Variants in TAF10 observed in about 807,000 individuals in gnomAD.
TAF10 encodes transcription initiation factor TFIID subunit 10.
A neutral mutation model predicts 18.1 loss-of-function variants in TAF10; 2 were observed. That is an observed-to-expected ratio of 0.11 (90% CI 0.05 to 0.35). TAF10 has a LOEUF of 0.35. Ranked by LOEUF, TAF10 falls within the 10% of genes least tolerant of loss-of-function variation. The pLI is 1.00. For synonymous variants in TAF10, 158 were observed against 134.6 expected (o/e 1.17, Z -1.20); for missense variants, 293 against 306.9 (o/e 0.95, Z 0.34).
In TAF10 at chr11:6,608,243, C is replaced by T. The variant is rs749124825; in HGVS notation, c.*2679G>A. 16 of 1,611,880 alleles carry T rather than the reference C, an allele frequency of 9.9e-6. No individual in the cohort carries two copies. In the East Asian group the frequency reaches 3.6e-4, roughly 36 times the overall value. On this transcript the variant is annotated 3_prime_UTR_variant, in exon 5 of 5. Coordinates refer to ENST00000299424, the MANE Select transcript of TAF10 (RefSeq NM_006284.4). The surrounding 1 kb of genome is among the most constrained non-coding windows in gnomAD (Gnocchi z 4.9). ...ACAAACTCCTTCGTCATCCACATCACATACATGCCATGAGGGTCAGTCACA... is the reference window on the plus strand; with the variant it reads ...ACAAACTCCTTCGTCATCCACATCATATACATGCCATGAGGGTCAGTCACA...
At position 6,608,919 on chromosome 11, in the gene TAF10, A is replaced by G. The variant is rs764641628; in HGVS notation, c.*2003T>C. ...GAAGATGGGCCAGAATCTCAACCGTATTCCATACAAGGACACATTCTGGAA... is the reference window on the plus strand; with the variant it reads ...GAAGATGGGCCAGAATCTCAACCGTGTTCCATACAAGGACACATTCTGGAA... On this transcript the variant is annotated 3_prime_UTR_variant, in exon 5 of 5. Coordinates refer to ENST00000299424, the MANE Select transcript of TAF10 (RefSeq NM_006284.4). This position sits in a 1 kb window ranked among gnomAD's most constrained non-coding sequence, Gnocchi z 4.9. The G allele has an allele frequency of 5.0e-6, 8 of 1,614,064 alleles. No homozygotes were observed. Among genetic ancestry groups the G allele is most frequent in the Non-Finnish European group, 6.8e-6 (8 of 1,180,042 alleles).
At chr11:6,611,481 C>G in intron 2 of TAF10, 29 bp from the exon 3 acceptor site, 1 of 1,613,508 alleles carries the variant, frequency 6.2e-7, no homozygotes, top group East Asian at 2.2e-5. Context: ...GAACTGTCAG[C>G]AGAGCGGGAG....
Position 6,609,442 on chromosome 11 carries a change from C to T in TAF10, c.*1480G>A. On this transcript the variant is annotated 3_prime_UTR_variant, in exon 5 of 5. Transcript: ENST00000299424. ...AGGCGTAACCTGGAAGCTGCTAGTT[C>T]CAAGGAACCCTGAATAGCACTGAAA... 6.2e-7 allele frequency: 1 copy of T among 1,613,634 alleles called. No individual in the cohort carries two copies. Among genetic ancestry groups the T allele is most frequent in the African/African-American group, 1.3e-5 (1 of 75,004 alleles).
intron 2 of TAF10, 75 bp from the exon 3 acceptor site, chr11:6,611,527 A>G (rs1855460026): frequency 9.4e-6 from 15 of 1,601,034 alleles, no homozygotes; most frequent in Non-Finnish European, 1.2e-5. Context: ...GATTATCAGG[A>G]AGCTCACAGT....
rs387907366 is a variant in TAF10 at position 6,609,568 on chromosome 11, C to T, written c.*1354G>A. 1.2e-6 allele frequency: 2 copies of T among 1,614,072 alleles called. No individual in the cohort carries two copies. Among genetic ancestry groups the T allele is most frequent in the Admixed American group, 1.7e-5 (1 of 60,012 alleles). On this transcript the variant is annotated 3_prime_UTR_variant, in exon 5 of 5. Transcript: ENST00000299424. ...CTAGGTGCCTGCCAGTCTCCACCTGCTCCTCATCCTACTCTCATCACACAC... is the reference window on the plus strand; with the variant it reads ...CTAGGTGCCTGCCAGTCTCCACCTGTTCCTCATCCTACTCTCATCACACAC...
intron 3 of TAF10, 25 bp from the exon 4 acceptor site, chr11:6,611,328 AAGG>A (rs748508899): frequency 6.8e-6 from 11 of 1,614,024 alleles, no homozygotes; most frequent in Middle Eastern, 1.6e-4. Context: ...CTTAGATGAG[AAGG>A]AGATGGACAA....
rs761245686 is a variant in TAF10 at position 6,610,136 on chromosome 11, C to G, written c.*786G>C. The G allele has an allele frequency of 1.2e-6, 2 of 1,614,086 alleles. No individual in the cohort carries two copies. The highest frequency in any genetic ancestry group is 1.3e-5 in the African/African-American group (1 of 74,934). ...GCAAGGGGGCCAGAACAGACAAGCC[C>G]TATCTCTCCAGCTCTGCAGAAGAAG... On this transcript the variant is annotated 3_prime_UTR_variant, in exon 5 of 5. Coordinates refer to ENST00000299424, the MANE Select transcript of TAF10 (RefSeq NM_006284.4).
Position 6,608,965 on chromosome 11 carries a change from C to A in TAF10, c.*1957G>T. ...TGGAAGGGGACCACCCGCACTCGGCCCCGTGAGTCACCACTGTGGGAAGAA... is the reference window on the plus strand; with the variant it reads ...TGGAAGGGGACCACCCGCACTCGGCACCGTGAGTCACCACTGTGGGAAGAA... On this transcript the variant is annotated 3_prime_UTR_variant, in exon 5 of 5. Transcript: ENST00000299424. The surrounding 1 kb of genome is among the most constrained non-coding windows in gnomAD (Gnocchi z 4.9). 1 of 1,614,106 alleles carries A rather than the reference C, an allele frequency of 6.2e-7. No homozygotes were observed. The highest frequency in any genetic ancestry group is 8.5e-7 in the Non-Finnish European group (1 of 1,179,946).
rs1855093187 is a variant in TAF10, at chr11:6,607,960, A to G, written c.*2962T>C. ...GTCCTAGAGAGGTAAGCCTTCCCAG[A>G]GAGTATGTAATTATCAGTTTTTCAG... is the stretch of plus-strand genomic sequence containing the variant. On this transcript the variant is annotated 3_prime_UTR_variant, in exon 5 of 5. Coordinates refer to ENST00000299424, the MANE Select transcript of TAF10 (RefSeq NM_006284.4). The G allele has an allele frequency of 2.2e-6, 3 of 1,380,104 alleles. No homozygotes were observed. The highest frequency in any genetic ancestry group is 3.1e-6 in the Non-Finnish European group (3 of 978,620). 85.5% of individuals were successfully genotyped at this position (1,380,104 alleles called of 1,614,324 possible).
In TAF10 at chr11:6,611,653, C is replaced by A; in HGVS notation, c.387+11G>T. On this transcript the variant is annotated intron_variant, in intron 2 of 4. Transcript: ENST00000299424. Reference sequence around the variant, plus strand: ...AGCAGGCTAGGTGGCCTTGTTCGGGCGGAAGCCCACCGTAGGCGTGTAATC... The same window carrying A: ...AGCAGGCTAGGTGGCCTTGTTCGGGAGGAAGCCCACCGTAGGCGTGTAATC... The A allele has an allele frequency of 6.3e-7, 1 of 1,576,984 alleles. No individual in the cohort carries two copies. Among genetic ancestry groups the A allele is most frequent in the East Asian group, 2.2e-5 (1 of 44,446 alleles).
rs1236127993 is a variant in TAF10 at position 6,611,784 on chromosome 11, C to A, written c.267G>T (p.Glu89Asp). ...PVSAGGAAPPEGAISNGVYVL... is the reference protein window; with the variant it reads ...PVSAGGAAPPDGAISNGVYVL... ...CGTAAACCCCGTTAGATATGGCCCC[C>A]TCCGGGGGCGCCGCGCCACCCGCCG... The change falls in exon 2 of 5, where the codon GAG (glutamate) becomes GAT (aspartate). Residue 89 changes from glutamate (E) to aspartate (D), a missense_variant. By Grantham distance (45) the Glu-to-Asp change is conservative. Transcript: ENST00000299424. 1 of 1,604,648 alleles carries A rather than the reference C, an allele frequency of 6.2e-7. No individual in the cohort carries two copies. The highest frequency in any genetic ancestry group is 1.7e-5 in the Admixed American group (1 of 59,060).
chr11:6,608,401 A>T lies in TAF10; in HGVS notation c.*2521T>A. ...TCTGGCCATGGGGTCCAGCTATTGC[A>T]GTACAAGGCAGACATCAATGCAGTG... On this transcript the variant is annotated 3_prime_UTR_variant, in exon 5 of 5. Coordinates refer to ENST00000299424, the MANE Select transcript of TAF10 (RefSeq NM_006284.4). This position sits in a 1 kb window ranked among gnomAD's most constrained non-coding sequence, Gnocchi z 4.9. 6.2e-7 allele frequency: 1 copy of T among 1,613,916 alleles called. No individual in the cohort carries two copies. Among genetic ancestry groups the T allele is most frequent in the South Asian group, 1.1e-5 (1 of 91,074 alleles).
chr11:6,607,734 C>G lies in TAF10; in HGVS notation c.*3188G>C. The stretch of plus-strand genomic sequence containing the variant: ...AGATGTGGTGGAAAACAGAAAGGAC[C>G]AATAGATGTTGCAGAAGGGGTGCAA... On this transcript the variant is annotated 3_prime_UTR_variant, in exon 5 of 5. Transcript: ENST00000299424. 4.9e-6 allele frequency: 2 copies of G among 408,712 alleles called. No individual in the cohort carries two copies. Among genetic ancestry groups the G allele is most frequent in the South Asian group, 2.3e-5 (1 of 44,226 alleles). 25.3% of individuals were successfully genotyped at this position (408,712 alleles called of 1,614,324 possible).
In TAF10 at chr11:6,608,288, G is replaced by A; in HGVS notation, c.*2634C>T. Reference sequence around the variant, plus strand: ...GTCACAGGCACTGTAACATACAGTAGAAAGCATGTGTGCTCTTCCCCCTTT... The same window carrying A: ...GTCACAGGCACTGTAACATACAGTAAAAAGCATGTGTGCTCTTCCCCCTTT... On this transcript the variant is annotated 3_prime_UTR_variant, in exon 5 of 5. Transcript: ENST00000299424. The surrounding 1 kb of genome is among the most constrained non-coding windows in gnomAD (Gnocchi z 4.9). The A allele has an allele frequency of 6.4e-7, 1 of 1,572,502 alleles. No individual in the cohort carries two copies. Among genetic ancestry groups the A allele is most frequent in the South Asian group, 1.1e-5 (1 of 90,206 alleles).
Position 6,609,217 on chromosome 11 carries a change from C to G in TAF10, c.*1705G>C. On this transcript the variant is annotated 3_prime_UTR_variant, in exon 5 of 5. Transcript: ENST00000299424. ...CCCCCATAAATTACTTGCTTTGTAC[C>G]TGTTTTAAGTTTTTCCTCCAGTTAG... 1 of 1,600,222 alleles carries G rather than the reference C, an allele frequency of 6.2e-7. No individual in the cohort carries two copies. The highest frequency in any genetic ancestry group is 2.2e-5 in the East Asian group (1 of 44,802).
At position 6,606,309 on chromosome 11, in the gene TAF10, CTTTATTT is replaced by C. The variant is rs1854904652; in HGVS notation, c.*4606_*4612del. 1 of 152,186 alleles carries C rather than the reference CTTTATTT, an allele frequency of 6.6e-6. No individual in the cohort carries two copies. The highest frequency in any genetic ancestry group is 1.5e-5 in the Non-Finnish European group (1 of 68,028). 9.4% of individuals were successfully genotyped at this position (152,186 alleles called of 1,614,324 possible). Reference sequence around the variant, plus strand: ...TGACTCAGAGTGGCAAAATCAAATTCTTTATTTTTTAAAATTGGTGGAGTTTAGTTTT... The same window carrying C: ...TGACTCAGAGTGGCAAAATCAAATTCTTTAAAATTGGTGGAGTTTAGTTTT... On this transcript the variant is annotated 3_prime_UTR_variant, in exon 5 of 5. Coordinates refer to ENST00000299424, the MANE Select transcript of TAF10 (RefSeq NM_006284.4).
chr11:6,609,564 C>T lies in TAF10; in HGVS notation c.*1358G>A. ...AGTGCTAGGTGCCTGCCAGTCTCCA[C>T]CTGCTCCTCATCCTACTCTCATCAC... On this transcript the variant is annotated 3_prime_UTR_variant, in exon 5 of 5. Coordinates refer to ENST00000299424, the MANE Select transcript of TAF10 (RefSeq NM_006284.4). 1 of 1,614,198 alleles carries T rather than the reference C, an allele frequency of 6.2e-7. No homozygotes were observed. The highest frequency in any genetic ancestry group is 8.5e-7 in the Non-Finnish European group (1 of 1,180,028).
Position 6,608,263 on chromosome 11 carries a change from G to A in TAF10, c.*2659C>T, listed in dbSNP as rs767538775. The A allele has an allele frequency of 1.3e-5, 21 of 1,601,842 alleles. No individual in the cohort carries two copies. The East Asian group carries it at 1.6e-4, about 12-fold the overall frequency. ...CATCACATACATGCCATGAGGGTCA[G>A]TCACAGGCACTGTAACATACAGTAG... On this transcript the variant is annotated 3_prime_UTR_variant, in exon 5 of 5. Coordinates refer to ENST00000299424, the MANE Select transcript of TAF10 (RefSeq NM_006284.4). The surrounding 1 kb of genome is among the most constrained non-coding windows in gnomAD (Gnocchi z 4.9).
In TAF10 at chr11:6,607,631, A is replaced by C. The variant is rs994533574; in HGVS notation, c.*3291T>G. 7.5e-6 allele frequency: 2 copies of C among 266,052 alleles called. No homozygotes were observed. Among genetic ancestry groups the C allele is most frequent in the African/African-American group, 4.4e-5 (2 of 45,026 alleles). The allele number at this position is 266,052 out of a possible 1,614,324, so 16.5% of individuals were successfully genotyped here. ...TCAATCCATTCCCTCAAGAAACTTA[A>C]AGGTCTAACAGACAAGACAGTCCAT... On this transcript the variant is annotated 3_prime_UTR_variant, in exon 5 of 5. Coordinates refer to ENST00000299424, the MANE Select transcript of TAF10 (RefSeq NM_006284.4).
Sources: gnomAD v4.1 joint callset for allele counts on GRCh38, gnomAD v4.1.1 for gene constraint, Gnocchi (gnomAD v3.1) non-coding constraint, MANE v1.5 for transcripts, NCBI Gene and HGNC (gene_info 2026-07-23, HGNC 2026-07-21) for gene names.